Variants in MALRD1 observed in about 807,000 individuals in gnomAD.
MALRD1 encodes MAM and LDL-receptor class A domain-containing protein 1.
Under a neutral mutation model 242.1 loss-of-function variants are expected in MALRD1, and 247 were observed. That is an observed-to-expected ratio of 1.02 (90% CI 0.92 to 1.13). The LOEUF is 1.13. Among genes scored for constraint, MALRD1 ranks in the 50% most tolerant of loss-of-function variants. The pLI, the probability that MALRD1 is intolerant of heterozygous loss-of-function variation, is 0.00. For synonymous variants in MALRD1, 995 were observed against 866.6 expected, an observed-to-expected ratio of 1.15 and a Z score of -2.60; for missense variants, 2,989 against 2,533.1, an observed-to-expected ratio of 1.18 and a Z score of -3.86.
intron 38 of MALRD1, among the ~76,000 whole-genome samples, chr10:19,713,213 G>T (rs181135750): frequency 6.6e-6 from 1 of 151,948 alleles, no homozygotes; most frequent in Admixed American, 6.6e-5. Context: ...TAAAATATTA[G>T]TCCAACTTTC....
intron 29 of MALRD1, among the ~76,000 whole-genome samples, chr10:19,484,685 C>G (rs1335763576): frequency 6.6e-6 from 1 of 152,048 alleles, no homozygotes; most frequent in African/African-American, 2.4e-5. Flanking sequence ...TATGTTGGCA[C>G]AGATATTGTT....
intron 18 of MALRD1, among the ~76,000 whole-genome samples, chr10:19,214,097 G>A (rs551887662): frequency 1.4e-4 from 21 of 152,264 alleles, no homozygotes; most frequent in African/African-American, 4.8e-4. Flanking sequence ...ACTTAGCTAT[G>A]TACTTTAGGG....
chr10:19,532,597 T>G (rs1485253541), intron 32 of MALRD1, among the ~76,000 whole-genome samples: 1 of 152,030 alleles, frequency 6.6e-6, no homozygotes, highest in Non-Finnish European at 1.5e-5. Flanking sequence ...TTTCTCAGAT[T>G]CTCTGTGGTC....
chr10:19,237,320 A>G (rs1228541332), intron 18 of MALRD1, among the ~76,000 whole-genome samples: 2 of 150,328 alleles, frequency 1.3e-5, no homozygotes, highest in Admixed American at 1.3e-4. Flanking sequence ...TTTGGTAACC[A>G]CTATTCTACT....
At position 19,591,497 on chromosome 10, in the gene MALRD1, GTTTT is replaced by G. The variant is rs35785107; in HGVS notation, c.5681-3680_5681-3677del. Among the ~76,000 whole-genome samples, 52 of 116,288 alleles carry G rather than the reference GTTTT, an allele frequency of 4.5e-4. 1 individual carries two copies. In the South Asian group the frequency reaches 5.4e-3, roughly 12 times the overall value. 76.3% of individuals were successfully genotyped at this position (116,288 alleles called of 152,430 possible). On this transcript the variant is annotated intron_variant, in intron 33 of 39. Transcript: ENST00000454679. ...TCTTTCCTTCCTTCCTTTTATTTTAGTTTTTTTTTTTTTTTTTTTTGACCAAGTT... is the reference window on the plus strand; with the variant it reads ...TCTTTCCTTCCTTCCTTTTATTTTAGTTTTTTTTTTTTTTTTGACCAAGTT...
chr10:19,574,681 T>A (rs79269816), intron 33 of MALRD1, among the ~76,000 whole-genome samples: 2,286 of 152,322 alleles, frequency 0.015, 171 homozygotes, highest in Admixed American at 0.11. Context: ...CTAGACCATG[T>A]TATGTCACCG....
Position 19,316,792 on chromosome 10 carries a change from C to G in MALRD1, c.3420-7157C>G, listed in dbSNP as rs1588899993. Among the ~76,000 whole-genome samples, 6 of 151,480 alleles carry G rather than the reference C, an allele frequency of 4.0e-5. No individual in the cohort carries two copies. In the Admixed American group the frequency reaches 4.0e-4, roughly 10 times the overall value. ...AGTCTGAGAAGGGTAGTATGGGGAG[C>G]AAGGCAGAGGTGGGGATAGTTAATG... is the stretch of plus-strand genomic sequence containing the variant. On this transcript the variant is annotated intron_variant, in intron 21 of 39. Transcript: ENST00000454679.
intron 21 of MALRD1, among the ~76,000 whole-genome samples, chr10:19,307,813 TTTAA>T (rs962361354): frequency 2.6e-5 from 4 of 151,624 alleles, no homozygotes; most frequent in African/African-American, 9.7e-5. Context: ...TTCTTGAATA[TTTAA>T]TTAAATTTAA....
At chr10:19,551,247 C>A (rs758179494) in intron 32 of MALRD1, among the ~76,000 whole-genome samples, 8 of 151,970 alleles carry the variant, frequency 5.3e-5, no homozygotes, top group Non-Finnish European at 1.0e-4. Context: ...TTCCTCCCAT[C>A]GTCTCTGATA....
chr10:19,265,251 T>G (rs755723058), intron 19 of MALRD1, among the ~76,000 whole-genome samples: 2 of 152,038 alleles, frequency 1.3e-5, no homozygotes, highest in Non-Finnish European at 2.9e-5. Flanking sequence ...GTTCCTTCTT[T>G]CTATTAATTT....
At chr10:19,624,509 G>A (rs1839555640) in intron 36 of MALRD1, among the ~76,000 whole-genome samples, 3 of 152,072 alleles carry the variant, frequency 2.0e-5, no homozygotes, top group Admixed American at 6.6e-5. Flanking sequence ...TGTTTGACAT[G>A]CCTATGGTCA....
chr10:19,337,735 T>G (rs1843673047), intron 24 of MALRD1, among the ~76,000 whole-genome samples: 1 of 152,120 alleles, frequency 6.6e-6, no homozygotes, highest in South Asian at 2.1e-4. Flanking sequence ...TTTAGTTTTA[T>G]AGCAATTTTA....
chr10:19,699,774 G>T (rs1312893810), intron 38 of MALRD1, among the ~76,000 whole-genome samples: 1 of 151,956 alleles, frequency 6.6e-6, no homozygotes, highest in South Asian at 2.1e-4. Context: ...GAGAGAGTAG[G>T]GGGGAAGTGC....
chr10:19,209,745 A>G (rs1232622028), intron 18 of MALRD1, 65 bp downstream of exon 18: 2 of 1,389,454 alleles, frequency 1.4e-6, no homozygotes, highest in Non-Finnish European at 1.9e-6. Flanking sequence ...AATATGAAAG[A>G]TCGCTGTATT....
intron 4 of MALRD1, among the ~76,000 whole-genome samples, chr10:19,097,273 A>G (rs1836075237): frequency 6.6e-6 from 1 of 152,162 alleles, no homozygotes; most frequent in Admixed American, 6.5e-5. Flanking sequence ...GATCTCAATT[A>G]CTGAGTCACT....
intron 20 of MALRD1, among the ~76,000 whole-genome samples, chr10:19,282,423 T>C (rs930554276): frequency 1.3e-5 from 2 of 152,228 alleles, no homozygotes; most frequent in African/African-American, 4.8e-5. Context: ...AATATTTCTT[T>C]TTTATTCAGC....
At chr10:19,320,708 C>A (rs904165022) in intron 21 of MALRD1, among the ~76,000 whole-genome samples, 1 of 152,112 alleles carries the variant, frequency 6.6e-6, no homozygotes, top group Non-Finnish European at 1.5e-5. Flanking sequence ...TAAAAGCATT[C>A]CTATTTCTCC....
chr10:19,481,304 A>G (rs1411001516), intron 29 of MALRD1, among the ~76,000 whole-genome samples: 1 of 152,196 alleles, frequency 6.6e-6, no homozygotes, highest in Non-Finnish European at 1.5e-5. Context: ...ACGTGTTGCT[A>G]TTAATTGCCT....
chr10:19,596,063 T>G (rs1043226014), intron 34 of MALRD1, among the ~76,000 whole-genome samples: 15 of 152,176 alleles, frequency 9.9e-5, no homozygotes, highest in Non-Finnish European at 1.8e-4. Flanking sequence ...ATCCAGGTGT[T>G]GAATTCAATA....
Sources: gnomAD v4.1 joint callset for allele counts (sites outside exome capture counted in the v4.1 genomes callset) on GRCh38, gnomAD v4.1.1 for gene constraint, MANE v1.5 for transcripts, NCBI Gene and HGNC (gene_info 2026-07-23, HGNC 2026-07-21) for gene names.